BBX: variants seen among roughly 807,000 people sequenced by gnomAD.
BBX encodes the protein BBX high mobility group box domain containing, also known as HMG box transcription factor BBX.
In BBX, 30 loss-of-function variants were observed where a neutral mutation model predicts 100.2. That is an observed-to-expected ratio of 0.30 (90% CI 0.22 to 0.41). The LOEUF is 0.41. BBX is among the 10% of genes least tolerant of loss of function. The pLI is 1.00. For synonymous variants in BBX, 376 were observed against 388.1 expected, an observed-to-expected ratio of 0.97 and a Z score of 0.37; for missense variants, 1,023 against 1,129.8, an observed-to-expected ratio of 0.91 and a Z score of 1.35.
chr3:107,524,677 A>C (rs2047619122), intron 1 of BBX: 1 of 148,704 alleles, frequency 6.7e-6, no homozygotes, highest in South Asian at 2.2e-4. Flanking sequence ...TTTCTGTAGG[A>C]AGGAAAATAA....
At chr3:107,607,684 G>A (rs520978) in intron 2 of BBX, among the ~76,000 whole-genome samples, 140,071 of 152,260 alleles carry the variant, frequency 0.92, 64,625 homozygotes, top group East Asian at 1. Context: ...CCTGCAGCGT[G>A]CAAGGGTTTC....
intron 2 of BBX, among the ~76,000 whole-genome samples, chr3:107,611,619 T>G (rs551475536): frequency 1.3e-5 from 2 of 152,322 alleles, no homozygotes; most frequent in Non-Finnish European, 2.9e-5. Flanking sequence ...GGAGCTCCAT[T>G]GCAGGTTATT....
At chr3:107,618,429 T>C (rs1487885596) in intron 2 of BBX, among the ~76,000 whole-genome samples, 1 of 152,074 alleles carries the variant, frequency 6.6e-6, no homozygotes, top group African/African-American at 2.4e-5. Flanking sequence ...CTTCTTTTCT[T>C]AATTTCTGCT....
chr3:107,758,276 G>A (rs1430193270), intron 10 of BBX, among the ~76,000 whole-genome samples: 1 of 152,104 alleles, frequency 6.6e-6, no homozygotes, highest in Admixed American at 6.5e-5. Flanking sequence ...TTTATTGCTG[G>A]ATCCTTTACC....
Position 107,728,696 on chromosome 3 carries a change from G to C in BBX, c.406-69G>C, listed in dbSNP as rs531625202. 2.2e-6 allele frequency: 3 copies of C among 1,393,452 alleles called. No homozygotes were observed. In the South Asian group the frequency reaches 4.0e-5, roughly 19 times the overall value. 86.3% of individuals were successfully genotyped at this position (1,393,452 alleles called of 1,614,324 possible). A position where few individuals can be genotyped will look rare whatever the true frequency, so the allele number is the denominator to read the frequency against. On this transcript the variant is annotated intron_variant, in intron 5 of 17. Coordinates refer to ENST00000325805, the MANE Select transcript of BBX (RefSeq NM_001142568.3). ...CTTGGTATCTAAATAGGGGAATGGG[G>C]TGACAGCCTTTAGAACTTTTTCAAT... is the stretch of plus-strand genomic sequence containing the variant.
intron 2 of BBX, among the ~76,000 whole-genome samples, chr3:107,624,146 C>CT (rs1194219503): frequency 1.4e-4 from 21 of 152,154 alleles, no homozygotes; most frequent in African/African-American, 5.1e-4. Flanking sequence ...TCAACCCTTC[C>CT]TTACCTCTGC....
chr3:107,631,939 T>C (rs984726186), intron 2 of BBX, among the ~76,000 whole-genome samples: 13 of 152,244 alleles, frequency 8.5e-5, no homozygotes, highest in Non-Finnish European at 1.8e-4. Flanking sequence ...GAAGAAGATA[T>C]TTCAAAGTGA....
chr3:107,744,390 A>G lies in BBX; in HGVS notation c.670-240A>G, dbSNP rs565554330. Among the ~76,000 whole-genome samples, 4 of 152,298 alleles carry G rather than the reference A, an allele frequency of 2.6e-5. No homozygotes were observed. In the South Asian group the frequency reaches 6.2e-4, roughly 24 times the overall value. On this transcript the variant is annotated intron_variant, in intron 7 of 17. Transcript: ENST00000325805. ...CCCTCTCTAACATTCTAAGCTTCCT[A>G]TGACTTTTGAATAACAGTTGACTAC...
At chr3:107,682,508 A>G (rs1425773917) in intron 3 of BBX, among the ~76,000 whole-genome samples, 1 of 152,166 alleles carries the variant, frequency 6.6e-6, no homozygotes, top group Non-Finnish European at 1.5e-5. Flanking sequence ...GCTTCTGATC[A>G]TAATGGGGCA....
intron 13 of BBX, among the ~76,000 whole-genome samples, chr3:107,783,823 G>T (rs1330766759): frequency 6.6e-6 from 1 of 151,880 alleles, no homozygotes; most frequent in African/African-American, 2.4e-5. Context: ...CTTTTCTCTT[G>T]TTGCTCACTT....
At chr3:107,711,030 G>A (rs1252591489) in intron 4 of BBX, among the ~76,000 whole-genome samples, 3 of 152,160 alleles carry the variant, frequency 2.0e-5, no homozygotes, top group African/African-American at 7.2e-5. Context: ...TCTATCCGTG[G>A]CCTTCACAGC....
intron 7 of BBX, 131 bp downstream of exon 7, chr3:107,733,154 T>A: frequency 2.5e-6 from 2 of 784,828 alleles, no homozygotes; most frequent in East Asian, 5.6e-5. Flanking sequence ...ATCTTTCTCT[T>A]TAAGATCTTT....
chr3:107,768,788 T>A (rs946627712), intron 10 of BBX, among the ~76,000 whole-genome samples: 28 of 149,986 alleles, frequency 1.9e-4, no homozygotes, highest in African/African-American at 6.7e-4. Flanking sequence ...AAAAGAGCAT[T>A]CCTATCAACT....
intron 10 of BBX, among the ~76,000 whole-genome samples, chr3:107,766,609 T>C (rs1421799254): frequency 6.6e-6 from 1 of 152,096 alleles, no homozygotes; most frequent in African/African-American, 2.4e-5. Context: ...AAAAAAAAGA[T>C]AATTGTATAT....
In BBX at chr3:107,709,765, T is replaced by G. The variant is rs576979245; in HGVS notation, c.-9-687T>G. Reference sequence around the variant, plus strand: ...CCTGTTTAATAGAAATATGTATTGCTTTTATCATGGAGAAGAACTTTTTTT... The same window carrying G: ...CCTGTTTAATAGAAATATGTATTGCGTTTATCATGGAGAAGAACTTTTTTT... On this transcript the variant is annotated intron_variant, in intron 3 of 17. Coordinates refer to ENST00000325805, the MANE Select transcript of BBX (RefSeq NM_001142568.3). Among the ~76,000 whole-genome samples the G allele has an allele frequency of 6.6e-5, 10 of 152,372 alleles. No individual in the cohort carries two copies. In the East Asian group the frequency reaches 1.7e-3, roughly 26 times the overall value.
intron 3 of BBX, among the ~76,000 whole-genome samples, chr3:107,705,895 CT>C (rs1176799486): frequency 1.3e-5 from 2 of 151,074 alleles, no homozygotes; most frequent in Non-Finnish European, 3.0e-5. Context: ...CTCCAGTGTC[CT>C]TTTTTTTTCT....
Position 107,773,450 on chromosome 3 carries a change from T to C in BBX, c.1729T>C (p.Leu577=), listed in dbSNP as rs140365966. 1 of 1,614,090 alleles carries C rather than the reference T, an allele frequency of 6.2e-7. No individual in the cohort carries two copies. Among genetic ancestry groups the C allele is most frequent in the African/African-American group, 1.3e-5 (1 of 75,042 alleles). The change falls in exon 11 of 18, where the codon TTG becomes CTG. Residue 577 remains leucine (L), a synonymous_variant. Transcript: ENST00000325805. The surrounding 1 kb of genome is among the most constrained non-coding windows in gnomAD (Gnocchi z 4.1). The stretch of plus-strand genomic sequence containing the variant: ...ACCAGAGGGTATAAAAGCAGAACCA[T>C]TGACCCCTATGGAAGATGCACTACC... ...ETPEGIKAEP[L]TPMEDALPPS...
chr3:107,526,889 G>C (rs903950392), intron 2 of BBX: 4 of 152,278 alleles, frequency 2.6e-5, no homozygotes, highest in Non-Finnish European at 5.9e-5. Context: ...GGTGGGGAAA[G>C]GTGGGATTGG....
intron 17 of BBX, among the ~76,000 whole-genome samples, chr3:107,803,369 G>A (rs952725257): frequency 3.3e-5 from 5 of 152,100 alleles, no homozygotes; most frequent in Non-Finnish European, 7.3e-5. Context: ...TACCCACCAG[G>A]CTTCTACCTG....
Sources: allele counts gnomAD v4.1 joint callset (sites outside exome capture counted in the v4.1 genomes callset), GRCh38; gene constraint gnomAD v4.1.1; non-coding constraint Gnocchi (gnomAD v3.1); transcripts MANE v1.5; gene names NCBI Gene and HGNC (gene_info 2026-07-23, HGNC 2026-07-21).